The following FAR2 variants were observed in gnomAD, a reference collection of about 807,000 sequenced individuals.
FAR2 encodes the protein fatty acyl-CoA reductase 2.
In FAR2, 19 loss-of-function variants were observed where a neutral mutation model predicts 56.0. The observed-to-expected ratio is 0.34, with a 90% confidence interval of 0.24 to 0.50. The LOEUF is 0.50. Ranked by LOEUF, FAR2 falls within the 20% of genes least tolerant of loss-of-function variation. The pLI, the probability that FAR2 is intolerant of heterozygous loss-of-function variation, is 0.98. For missense variants in FAR2, 508 were observed against 642.2 expected, an observed-to-expected ratio of 0.79 and a Z score of 2.26; for synonymous variants, 219 against 218.8, an observed-to-expected ratio of 1.00 and a Z score of -0.01.
intron 1 of FAR2, among the ~76,000 whole-genome samples, chr12:29,255,981 C>A (rs1374219702): frequency 6.6e-6 from 1 of 151,940 alleles, no homozygotes; most frequent in Non-Finnish European, 1.5e-5. Flanking sequence ...GCAATTCTAC[C>A]CACTCAGCCT....
chr12:29,249,541 ATGTAT>A (rs1200413343), intron 1 of FAR2, among the ~76,000 whole-genome samples: 4 of 152,148 alleles, frequency 2.6e-5, no homozygotes, highest in African/African-American at 9.7e-5. Flanking sequence ...CTTCTAATAC[ATGTAT>A]TGTTATGTGT....
chr12:29,309,957 A>G (rs1949320399), intron 6 of FAR2: 1 of 152,216 alleles, frequency 6.6e-6, no homozygotes, highest in Admixed American at 6.5e-5. Flanking sequence ...TTTATTAGGG[A>G]TTTAGACTGC....
intron 6 of FAR2, among the ~76,000 whole-genome samples, chr12:29,310,801 C>T (rs1045566361): frequency 2.6e-5 from 4 of 152,038 alleles, no homozygotes; most frequent in African/African-American, 4.8e-5. Context: ...CCTAAAGGAA[C>T]GTGAGGAACA....
chr12:29,289,332 G>C (rs1948923681), intron 2 of FAR2, among the ~76,000 whole-genome samples: 1 of 152,098 alleles, frequency 6.6e-6, no homozygotes, highest in African/African-American at 2.4e-5. Flanking sequence ...CATGGTACCA[G>C]CATAAAAACA....
intron 1 of FAR2, among the ~76,000 whole-genome samples, chr12:29,263,663 G>A (rs1948462805): frequency 8.2e-6 from 1 of 122,546 alleles, no homozygotes; most frequent in Non-Finnish European, 1.8e-5. Flanking sequence ...TTTATTCTTG[G>A]TAGGTTGTAC....
chr12:29,326,148 C>T (rs1949641468), intron 10 of FAR2, among the ~76,000 whole-genome samples: 3 of 152,118 alleles, frequency 2.0e-5, no homozygotes, highest in African/African-American at 7.2e-5. Flanking sequence ...ACTAGAAAAT[C>T]TAGAAGAAAT....
At chr12:29,174,070 C>T (rs1185683823) in intron 1 of FAR2, among the ~76,000 whole-genome samples, 1 of 152,074 alleles carries the variant, frequency 6.6e-6, no homozygotes, top group Non-Finnish European at 1.5e-5. Flanking sequence ...GATGTTATGC[C>T]CCAAAAATGA....
intron 1 of FAR2, among the ~76,000 whole-genome samples, chr12:29,197,514 C>T (rs987938023): frequency 2.6e-5 from 4 of 152,104 alleles, no homozygotes; most frequent in Admixed American, 6.5e-5. Flanking sequence ...AATCCCATTT[C>T]GTTGATGAGT....
chr12:29,328,061 A>G (rs1311249126), intron 10 of FAR2, among the ~76,000 whole-genome samples: 15 of 151,786 alleles, frequency 9.9e-5, no homozygotes, highest in African/African-American at 3.7e-4. Flanking sequence ...TTTACAAGAA[A>G]AAAACAAACA....
chr12:29,252,165 C>G (rs1344134421), intron 1 of FAR2, among the ~76,000 whole-genome samples: 1 of 152,102 alleles, frequency 6.6e-6, no homozygotes, highest in Non-Finnish European at 1.5e-5. Flanking sequence ...AATGGAACTG[C>G]TACTCCACAG....
Position 29,307,681 on chromosome 12 carries a change from A to G in FAR2, c.569A>G (p.Asp190Gly). Residue 190 changes from aspartate to glycine, a missense_variant, in exon 5 of 12, where the codon GAC becomes GGC. Asp to Gly is a moderately conservative substitution (Grantham distance 94). Coordinates refer to ENST00000536681, the MANE Select transcript of FAR2 (RefSeq NM_001271783.2). ...AGGTGGTTAGACGATGCTATTATTG[A>G]CGAGATTACACCCAAGCTGATCAGA... ...SLEWLDDAII[D>G]EITPKLIRDW... 1 of 1,612,102 alleles carries G rather than the reference A, an allele frequency of 6.2e-7. No homozygotes were observed. Among genetic ancestry groups the G allele is most frequent in the Non-Finnish European group, 8.5e-7 (1 of 1,179,292 alleles).
chr12:29,158,014 GAAGT>G (rs1949745922), intron 1 of FAR2, among the ~76,000 whole-genome samples: 1 of 152,298 alleles, frequency 6.6e-6, no homozygotes, highest in Non-Finnish European at 1.5e-5. Context: ...TGTATGGATA[GAAGT>G]AACATAGTTT....
At chr12:29,263,487 A>G (rs984032136) in intron 1 of FAR2, among the ~76,000 whole-genome samples, 1 of 152,022 alleles carries the variant, frequency 6.6e-6, no homozygotes, top group Non-Finnish European at 1.5e-5. Flanking sequence ...AGAAGTCAAC[A>G]ACAAGACCAA....
chr12:29,209,867 T>A (rs1009175800), intron 1 of FAR2, among the ~76,000 whole-genome samples: 4 of 152,204 alleles, frequency 2.6e-5, no homozygotes, highest in African/African-American at 9.7e-5. Context: ...ATTTAATTTC[T>A]TATGGTTTCT....
At chr12:29,213,576 G>A (rs1319089908) in intron 1 of FAR2, among the ~76,000 whole-genome samples, 2 of 151,740 alleles carry the variant, frequency 1.3e-5, no homozygotes, top group Admixed American at 1.3e-4. Context: ...TGTAATCCCA[G>A]CTACTCAGGC....
At position 29,296,844 on chromosome 12, in the gene FAR2, C is replaced by T. The variant is rs375008602; in HGVS notation, c.366-177C>T. 1.6e-4 allele frequency among the ~76,000 whole-genome samples: 25 copies of T among 152,320 alleles called. No homozygotes were observed. In the East Asian group the frequency reaches 4.6e-3, roughly 28 times the overall value. On this transcript the variant is annotated intron_variant, in intron 3 of 11. Coordinates refer to ENST00000536681, the MANE Select transcript of FAR2 (RefSeq NM_001271783.2). Reference sequence around the variant, plus strand: ...ATGTGCACAAAACACATCATCACTACATAAAACATTCCGAGTATCACATAA... The same window carrying T: ...ATGTGCACAAAACACATCATCACTATATAAAACATTCCGAGTATCACATAA...
At chr12:29,192,612 G>A (rs1950111953) in intron 1 of FAR2, among the ~76,000 whole-genome samples, 1 of 152,074 alleles carries the variant, frequency 6.6e-6, no homozygotes. Flanking sequence ...AACAGTATCT[G>A]TATATTTGCA....
At chr12:29,330,317 A>G (rs928233722) in intron 10 of FAR2, among the ~76,000 whole-genome samples, 3 of 152,152 alleles carry the variant, frequency 2.0e-5, no homozygotes, top group Non-Finnish European at 2.9e-5. Flanking sequence ...TCGACCTCCC[A>G]AAGTGTTGAG....
At chr12:29,254,010 G>A (rs1036648690) in intron 1 of FAR2, among the ~76,000 whole-genome samples, 2 of 152,168 alleles carry the variant, frequency 1.3e-5, no homozygotes, top group South Asian at 2.1e-4. Flanking sequence ...TAAGAAGAAT[G>A]TATTGAGGTG....
Sources: gnomAD v4.1 joint callset for allele counts (sites outside exome capture counted in the v4.1 genomes callset) on GRCh38, gnomAD v4.1.1 for gene constraint, MANE v1.5 for transcripts, NCBI Gene and HGNC (gene_info 2026-07-23, HGNC 2026-07-21) for gene names.